The following DLC1 variants were observed in gnomAD, a reference collection of about 807,000 sequenced individuals.
DLC1 encodes the protein DLC1 Rho GTPase activating protein, also known as rho GTPase-activating protein 7.
DLC1 carries 54 observed loss-of-function variants against 140.3 expected under a neutral mutation model. That is an observed-to-expected ratio of 0.38 (90% CI 0.31 to 0.48). The LOEUF (loss-of-function observed/expected upper bound fraction) is 0.48, where lower values mean the gene tolerates loss of function less well. Among genes scored for constraint, DLC1 ranks in the 20% least tolerant of loss-of-function variants. The pLI is 0.96. For missense variants in DLC1, 2,536 were observed against 1,907.0 expected (o/e 1.33, Z -6.14); for synonymous variants, 986 against 728.1 (o/e 1.35, Z -5.70).
intron 5 of DLC1, among the ~76,000 whole-genome samples, chr8:13,303,745 T>A (rs1044872624): frequency 1.3e-5 from 2 of 152,074 alleles, no homozygotes; most frequent in Non-Finnish European, 2.9e-5. Context: ...GAGGTTGCAG[T>A]GAGCCAAGAT....
chr8:13,538,021 T>C (rs966891446), intron 1 of DLC1, among the ~76,000 whole-genome samples: 2 of 152,162 alleles, frequency 1.3e-5, no homozygotes, highest in South Asian at 2.1e-4. Flanking sequence ...CATCCATTAC[T>C]TTATGTAAAC....
intron 1 of DLC1, among the ~76,000 whole-genome samples, chr8:13,508,743 T>C (rs961011692): frequency 2.0e-5 from 3 of 152,154 alleles, no homozygotes; most frequent in Non-Finnish European, 4.4e-5. Flanking sequence ...TAAGTATCTA[T>C]GTTTTATTTG....
chr8:13,094,808 C>T lies in DLC1; in HGVS notation c.3477G>A (p.Glu1159=), dbSNP rs768321795. ...CCGAGAGTTTGTTCGTCATTAGTGG[C>T]TCAGGAAGATCTCGAAAATACTGCT... The part of the protein sequence containing the change: ...MLKQYFRDLP[E]PLMTNKLSET... Residue 1159 remains glutamate (E), a synonymous_variant, in exon 12 of 18, where the codon GAG becomes GAA. Transcript: ENST00000276297. The T allele has an allele frequency of 1.2e-6, 2 of 1,614,078 alleles. No individual in the cohort carries two copies. The highest frequency in any genetic ancestry group is 1.7e-6 in the Non-Finnish European group (2 of 1,180,040).
intron 1 of DLC1, among the ~76,000 whole-genome samples, chr8:13,538,501 G>C (rs10102652): frequency 0.16 from 23,669 of 151,948 alleles, 2,455 homozygotes; most frequent in African/African-American, 0.29. Context: ...GATAAGCTGT[G>C]TCTCCTCTTG....
chr8:13,569,446 C>A (rs186571139), intron 1 of DLC1, among the ~76,000 whole-genome samples: 2 of 152,198 alleles, frequency 1.3e-5, no homozygotes, highest in Non-Finnish European at 1.5e-5. Flanking sequence ...TTCATAATAA[C>A]CTTTTATTTG....
chr8:13,585,458 A>G (rs974936478), intron 1 of DLC1, among the ~76,000 whole-genome samples: 2 of 152,234 alleles, frequency 1.3e-5, no homozygotes, highest in Non-Finnish European at 2.9e-5. Context: ...GCTATAGAAC[A>G]AACCACAGGG....
chr8:13,241,336 G>C (rs1345886131), intron 5 of DLC1, among the ~76,000 whole-genome samples: 1 of 152,180 alleles, frequency 6.6e-6, no homozygotes, highest in Non-Finnish European at 1.5e-5. Context: ...AAACTCTTTA[G>C]TGTGGGCAAA....
intron 1 of DLC1, among the ~76,000 whole-genome samples, chr8:13,553,239 T>TAG (rs1175355912): frequency 1.2e-4 from 16 of 135,760 alleles, no homozygotes; most frequent in Non-Finnish European, 2.2e-4. Context: ...TATATATATA[T>TAG]ATATATATAT....
chr8:13,215,886 G>A (rs1340100686), intron 5 of DLC1, among the ~76,000 whole-genome samples: 1 of 152,068 alleles, frequency 6.6e-6, no homozygotes, highest in African/African-American at 2.4e-5. Context: ...TCTACAAAAG[G>A]CTACAACTCG....
chr8:13,563,642 T>C (rs987603273), intron 1 of DLC1, among the ~76,000 whole-genome samples: 7 of 152,080 alleles, frequency 4.6e-5, no homozygotes, highest in Admixed American at 3.3e-4. Flanking sequence ...ATTTAATCTA[T>C]AGAGGAGAAA....
At chr8:13,102,383 C>T (rs917408594) in intron 8 of DLC1, among the ~76,000 whole-genome samples, 6 of 152,246 alleles carry the variant, frequency 3.9e-5, no homozygotes, top group Middle Eastern at 3.4e-3. Context: ...AATCGGCCTT[C>T]GCTTTCATCT....
chr8:13,268,108 C>T (rs527472543), intron 5 of DLC1, among the ~76,000 whole-genome samples: 1 of 152,170 alleles, frequency 6.6e-6, no homozygotes, highest in African/African-American at 2.4e-5. Flanking sequence ...AATTTTAGTT[C>T]ATTCTGATTT....
upstream of DLC1, among the ~76,000 whole-genome samples, chr8:13,518,294 A>G (rs1440063377): frequency 6.6e-6 from 1 of 152,070 alleles, no homozygotes; most frequent in Non-Finnish European, 1.5e-5. Context: ...TTTTTAGTAG[A>G]GACAGGGTTT....
At chr8:13,353,460 G>A (rs947211547) in intron 4 of DLC1, 5 of 151,692 alleles carry the variant, frequency 3.3e-5, no homozygotes, top group Non-Finnish European at 5.9e-5. Context: ...GTGTGGTTTT[G>A]AAGAGAATAT....
At chr8:13,273,684 GCC>G (rs1831042433) in intron 5 of DLC1, among the ~76,000 whole-genome samples, 1 of 114,564 alleles carries the variant, frequency 8.7e-6, no homozygotes, top group Non-Finnish European at 1.8e-5. Flanking sequence ...GCAGAACTGT[GCC>G]TGTGTGTGTG....
intron 5 of DLC1, among the ~76,000 whole-genome samples, chr8:13,131,763 T>A (rs1422152973): frequency 2.6e-5 from 4 of 152,190 alleles, no homozygotes; most frequent in African/African-American, 9.7e-5. Context: ...TTGGTGCAGA[T>A]GAAGGAGGCA....
chr8:13,095,322 G>A (rs1818421142), intron 10 of DLC1, 77 bp from the exon 11 acceptor site: 2 of 1,575,966 alleles, frequency 1.3e-6, no homozygotes, highest in African/African-American at 1.3e-5. Flanking sequence ...AATTCTGCAG[G>A]CAAACCCTGT....
chr8:13,255,163 T>G (rs1349808351), intron 5 of DLC1, among the ~76,000 whole-genome samples: 2 of 151,924 alleles, frequency 1.3e-5, no homozygotes, highest in African/African-American at 4.8e-5. Flanking sequence ...TAGAGATGGG[T>G]TTCTGCCATG....
chr8:13,389,038 G>T (rs1435028716), intron 4 of DLC1, among the ~76,000 whole-genome samples: 1 of 151,960 alleles, frequency 6.6e-6, no homozygotes, highest in East Asian at 1.9e-4. Context: ...GAGGATCTGG[G>T]TGCCATATCC....
Sources: gnomAD v4.1 joint callset for allele counts (sites outside exome capture counted in the v4.1 genomes callset) on GRCh38, gnomAD v4.1.1 for gene constraint, MANE v1.5 for transcripts, NCBI Gene and HGNC (gene_info 2026-07-23, HGNC 2026-07-21) for gene names.